Variants in OCIAD1 observed in about 807,000 individuals in gnomAD.
The protein encoded by OCIAD1 is OCIA domain-containing protein 1.
A neutral mutation model predicts 38.9 loss-of-function variants in OCIAD1; 29 were observed. The ratio of observed to expected loss-of-function variants is 0.74; its 90% CI spans 0.55 to 1.02. OCIAD1 has a LOEUF of 1.02. Ranked by LOEUF, OCIAD1 falls within the 50% of genes least tolerant of loss-of-function variation. The probability of loss-of-function intolerance (pLI) is 0.00; values close to 1 mark genes in which losing one functional copy is unlikely to be tolerated. For synonymous variants in OCIAD1, 110 were observed against 92.0 expected (o/e 1.20, Z -1.12); for missense variants, 288 against 289.6 (o/e 0.99, Z 0.04).
intron 1 of OCIAD1, among the ~76,000 whole-genome samples, chr4:48,810,894 C>CTTTTT (rs869120091): frequency 1.7e-4 from 11 of 64,220 alleles, no homozygotes; most frequent in African/African-American, 2.5e-4. Flanking sequence ...TTCTTTCTTT[C>CTTTTT]TTTTTTTTTT....
intron 3 of OCIAD1, among the ~76,000 whole-genome samples, chr4:48,840,293 A>G (rs1232093213): frequency 6.6e-6 from 1 of 152,246 alleles, no homozygotes; most frequent in Non-Finnish European, 1.5e-5. Flanking sequence ...TCAGTGCTTC[A>G]TGTTGCAATC....
In OCIAD1 at chr4:48,861,666, A is replaced by G. The variant is rs1247552930; in HGVS notation, c.*904A>G. ...ACACCACTGAACTCCAGCCTGTGCG[A>G]CTGAGTGAGACCCTGTGTCTAAAAA... is the stretch of plus-strand genomic sequence containing the variant. On this transcript the variant is annotated 3_prime_UTR_variant, in exon 9 of 9. Coordinates refer to ENST00000264312, the MANE Select transcript of OCIAD1 (RefSeq NM_017830.4). 6.6e-6 allele frequency: 1 copy of G among 152,200 alleles called. No homozygotes were observed. Among genetic ancestry groups the G allele is most frequent in the Non-Finnish European group, 1.5e-5 (1 of 68,042 alleles). 9.4% of individuals were successfully genotyped at this position (152,200 alleles called of 1,614,324 possible). A position where few individuals can be genotyped will look rare whatever the true frequency, so the allele number is the denominator to read the frequency against.
At chr4:48,812,247 C>A (rs1243645318) in intron 1 of OCIAD1, among the ~76,000 whole-genome samples, 1 of 118,156 alleles carries the variant, frequency 8.5e-6, no homozygotes, top group African/African-American at 3.3e-5. Context: ...CATGCCACTG[C>A]ACTCCAGTCT....
intron 1 of OCIAD1, among the ~76,000 whole-genome samples, chr4:48,811,394 GGCCCT>G (rs1380994109): frequency 6.6e-6 from 1 of 152,176 alleles, no homozygotes; most frequent in Non-Finnish European, 1.5e-5. Flanking sequence ...TGGCATAGGA[GGCCCT>G]GCAGTCTTTC....
intron 3 of OCIAD1, among the ~76,000 whole-genome samples, chr4:48,835,083 G>A (rs775859896): frequency 1.1e-4 from 16 of 152,194 alleles, no homozygotes; most frequent in South Asian, 6.2e-4. Context: ...ACAGGCGTGC[G>A]CCACCATGCC....
At chr4:48,850,957 AAC>A (rs1779401061) in intron 6 of OCIAD1, among the ~76,000 whole-genome samples, 1 of 152,226 alleles carries the variant, frequency 6.6e-6, no homozygotes, top group African/African-American at 2.4e-5. Context: ...CAATTTGGCA[AAC>A]ACCTTTGGTT....
At chr4:48,843,660 C>G (rs1224248129) in intron 4 of OCIAD1, among the ~76,000 whole-genome samples, 1 of 152,022 alleles carries the variant, frequency 6.6e-6, no homozygotes, top group African/African-American at 2.4e-5. Flanking sequence ...ACTTATATGT[C>G]CTTAAGACTA....
intron 1 of OCIAD1, among the ~76,000 whole-genome samples, chr4:48,821,838 G>A (rs1777197344): frequency 6.6e-6 from 1 of 152,122 alleles, no homozygotes; most frequent in Middle Eastern, 3.2e-3. Context: ...AACTTACAAG[G>A]GATGTGAAGG....
chr4:48,838,452 C>G (rs943607108), intron 3 of OCIAD1, among the ~76,000 whole-genome samples: 1 of 152,166 alleles, frequency 6.6e-6, no homozygotes, highest in Non-Finnish European at 1.5e-5. Flanking sequence ...GCATTTCACT[C>G]TCAAAACAGA....
intron 1 of OCIAD1, among the ~76,000 whole-genome samples, chr4:48,808,364 G>A (rs998239795): frequency 1.3e-5 from 2 of 152,098 alleles, no homozygotes; most frequent in African/African-American, 4.8e-5. Flanking sequence ...CAGCTACTCA[G>A]GAAGCTGAGG....
At chr4:48,811,775 C>G (rs1226534346) in intron 1 of OCIAD1, among the ~76,000 whole-genome samples, 1 of 152,038 alleles carries the variant, frequency 6.6e-6, no homozygotes, top group Non-Finnish European at 1.5e-5. Flanking sequence ...AAGGATGCCT[C>G]CACAGATTTT....
Position 48,832,647 on chromosome 4 carries a change from G to T in OCIAD1, c.23G>T (p.Arg8Leu), listed in dbSNP as rs571959248. The change falls in exon 2 of 9, where the codon CGA becomes CTA. Residue 8 changes from arginine to leucine, a missense_variant. Arg to Leu is a moderately radical substitution (Grantham distance 102). Coordinates refer to ENST00000264312, the MANE Select transcript of OCIAD1 (RefSeq NM_017830.4). Reference sequence around the variant, plus strand: ...AAGATGAATGGGAGGGCTGATTTTCGAGAGCCGAATGCAGAGGTTCCAAGA... The same window carrying T: ...AAGATGAATGGGAGGGCTGATTTTCTAGAGCCGAATGCAGAGGTTCCAAGA... MNGRADFREPNAEVPRPI... is the reference protein window; with the variant it reads MNGRADFLEPNAEVPRPI... 6.2e-7 allele frequency: 1 copy of T among 1,613,204 alleles called. No individual in the cohort carries two copies. Among genetic ancestry groups the T allele is most frequent in the East Asian group, 2.2e-5 (1 of 44,882 alleles).
intron 7 of OCIAD1, chr4:48,855,857 T>C (rs1398686168): frequency 6.6e-6 from 1 of 151,858 alleles, no homozygotes; most frequent in African/African-American, 2.4e-5. Flanking sequence ...CATTATTTAA[T>C]GTATAGTTAT....
At chr4:48,858,326 A>G (rs1299047914) in intron 8 of OCIAD1, among the ~76,000 whole-genome samples, 2 of 152,194 alleles carry the variant, frequency 1.3e-5, no homozygotes, top group Non-Finnish European at 2.9e-5. Flanking sequence ...CATCTATCGC[A>G]TAAGTTGCTG....
chr4:48,819,901 C>T (rs1777177405), intron 1 of OCIAD1, among the ~76,000 whole-genome samples: 1 of 151,996 alleles, frequency 6.6e-6, no homozygotes, highest in Non-Finnish European at 1.5e-5. Context: ...ATTCATAAAA[C>T]AAGTTCTTAG....
chr4:48,849,707 A>G (rs1255933840), intron 5 of OCIAD1, among the ~76,000 whole-genome samples: 1 of 152,172 alleles, frequency 6.6e-6, no homozygotes, highest in East Asian at 1.9e-4. Context: ...TAATTGATTT[A>G]TTTATAGCAG....
At chr4:48,847,725 A>G (rs1779094234) in intron 4 of OCIAD1, among the ~76,000 whole-genome samples, 1 of 152,174 alleles carries the variant, frequency 6.6e-6, no homozygotes, top group Non-Finnish European at 1.5e-5. Context: ...AGTTTTGGTC[A>G]GTTTGCCTAT....
chr4:48,838,099 C>T (rs1778164987), intron 3 of OCIAD1, among the ~76,000 whole-genome samples: 1 of 152,052 alleles, frequency 6.6e-6, no homozygotes, highest in Non-Finnish European at 1.5e-5. Flanking sequence ...AGGCAGATCA[C>T]CTGAGGTCAG....
chr4:48,831,767 T>G (rs1177196186), intron 1 of OCIAD1, among the ~76,000 whole-genome samples: 3 of 152,192 alleles, frequency 2.0e-5, no homozygotes, highest in African/African-American at 7.2e-5. Context: ...TTTTTATTTC[T>G]TTTCTCTAAT....
Sources: gnomAD v4.1 joint callset for allele counts (sites outside exome capture counted in the v4.1 genomes callset) on GRCh38, gnomAD v4.1.1 for gene constraint, MANE v1.5 for transcripts, NCBI Gene and HGNC (gene_info 2026-07-23, HGNC 2026-07-21) for gene names.